Variants in CARMIL1 observed in about 807,000 individuals in gnomAD.
The protein encoded by CARMIL1 is F-actin-uncapping protein LRRC16A.
In CARMIL1, 90 loss-of-function variants were observed where a neutral mutation model predicts 177.1. The observed-to-expected ratio is 0.51, with a 90% CI of 0.43 to 0.61. CARMIL1 has a LOEUF of 0.61. CARMIL1 is among the 20% of genes least tolerant of loss of function. CARMIL1 has a pLI of 0.00. For synonymous variants in CARMIL1, 577 were observed against 606.2 expected (o/e 0.95, Z 0.71); for missense variants, 1,380 against 1,667.0 (o/e 0.83, Z 3.00).
chr6:25,465,055 C>T (rs1239806527), intron 8 of CARMIL1, among the ~76,000 whole-genome samples: 1 of 124,968 alleles, frequency 8.0e-6, no homozygotes, highest in East Asian at 2.4e-4. Context: ...GATGCAGTCA[C>T]TGCTAAGAAC....
intron 29 of CARMIL1, among the ~76,000 whole-genome samples, chr6:25,580,661 GAATTA>G (rs2151250045): frequency 6.6e-6 from 1 of 152,218 alleles, no homozygotes; most frequent in African/African-American, 2.4e-5. Flanking sequence ...ACACAGCTTG[GAATTA>G]AATTCATTCA....
intron 33 of CARMIL1, among the ~76,000 whole-genome samples, chr6:25,602,914 G>A (rs1034577314): frequency 1.3e-5 from 2 of 152,216 alleles, no homozygotes; most frequent in African/African-American, 4.8e-5. Flanking sequence ...ACAAAAGAGA[G>A]AAATAAGCAG....
At chr6:25,508,319 AGT>A (rs1805121733) in intron 17 of CARMIL1, among the ~76,000 whole-genome samples, 2 of 152,164 alleles carry the variant, frequency 1.3e-5, no homozygotes, top group South Asian at 4.1e-4. Flanking sequence ...GTTTCCCTGA[AGT>A]ATGTAGACCA....
chr6:25,403,595 A>G (rs1025993484), intron 2 of CARMIL1, among the ~76,000 whole-genome samples: 1 of 152,060 alleles, frequency 6.6e-6, no homozygotes, highest in East Asian at 1.9e-4. Flanking sequence ...CTGCAGGCAT[A>G]TTCTTGCCTC....
At chr6:25,340,954 A>G (rs1786860596) in intron 2 of CARMIL1, among the ~76,000 whole-genome samples, 1 of 152,072 alleles carries the variant, frequency 6.6e-6, no homozygotes, top group Admixed American at 6.6e-5. Flanking sequence ...GAGTGTCACA[A>G]TGTGGCAGTT....
intron 16 of CARMIL1, among the ~76,000 whole-genome samples, chr6:25,499,279 T>TA (rs1261905201): frequency 6.6e-6 from 1 of 152,226 alleles, no homozygotes; most frequent in Non-Finnish European, 1.5e-5. Flanking sequence ...TTCTAGTACT[T>TA]ACCACTGGCA....
At chr6:25,298,340 C>T (rs1261634734) in intron 2 of CARMIL1, among the ~76,000 whole-genome samples, 1 of 152,154 alleles carries the variant, frequency 6.6e-6, no homozygotes, top group Non-Finnish European at 1.5e-5. Flanking sequence ...GTACAAGGTA[C>T]ATGTTGTTAT....
chr6:25,307,460 T>A (rs1783368045), intron 2 of CARMIL1, among the ~76,000 whole-genome samples: 1 of 152,216 alleles, frequency 6.6e-6, no homozygotes, highest in African/African-American at 2.4e-5. Flanking sequence ...CAATAAATGT[T>A]TGTTGATAAA....
chr6:25,471,802 G>A (rs1801125029), intron 10 of CARMIL1, among the ~76,000 whole-genome samples: 1 of 151,978 alleles, frequency 6.6e-6, no homozygotes, highest in African/African-American at 2.4e-5. Flanking sequence ...GTTAACACTT[G>A]CATAGTCTTT....
intron 2 of CARMIL1, among the ~76,000 whole-genome samples, chr6:25,392,056 G>A (rs1414190673): frequency 7.3e-4 from 1 of 1,364 alleles, no homozygotes; most frequent in South Asian, 0.018. Context: ...GTATATGCAT[G>A]TGTGTGTGTG....
At chr6:25,440,642 C>T (rs1797659357) in intron 5 of CARMIL1, among the ~76,000 whole-genome samples, 1 of 152,112 alleles carries the variant, frequency 6.6e-6, no homozygotes, top group Admixed American at 6.5e-5. Context: ...CTCCTACATT[C>T]CCAGTATGCC....
chr6:25,430,646 G>A (rs544975621), intron 4 of CARMIL1, among the ~76,000 whole-genome samples: 3 of 151,896 alleles, frequency 2.0e-5, no homozygotes, highest in Non-Finnish European at 2.9e-5. Context: ...GCCCAGGCTC[G>A]ACTCGAACTT....
intron 9 of CARMIL1, among the ~76,000 whole-genome samples, chr6:25,469,998 T>G (rs1042283676): frequency 1.3e-5 from 2 of 152,250 alleles, no homozygotes; most frequent in African/African-American, 4.8e-5. Flanking sequence ...CATTTTTCAC[T>G]GTCCCCTGAA....
intron 26 of CARMIL1, among the ~76,000 whole-genome samples, chr6:25,543,801 G>A (rs531621879): frequency 1.3e-5 from 2 of 152,190 alleles, no homozygotes; most frequent in African/African-American, 4.8e-5. Flanking sequence ...AAGATTTCAG[G>A]GCATTTTAGT....
intron 1 of CARMIL1, among the ~76,000 whole-genome samples, chr6:25,280,449 A>G (rs2744269): frequency 0.76 from 115,767 of 152,020 alleles, 44,209 homozygotes; most frequent in South Asian, 0.89. Context: ...ACGCAGACTC[A>G]GGCCAGGAAA....
At chr6:25,570,295 C>T (rs1314505190) in intron 29 of CARMIL1, among the ~76,000 whole-genome samples, 1 of 152,208 alleles carries the variant, frequency 6.6e-6, no homozygotes, top group Non-Finnish European at 1.5e-5. Flanking sequence ...TATAATGCTA[C>T]AGGGATATAT....
intron 2 of CARMIL1, among the ~76,000 whole-genome samples, chr6:25,382,497 A>T (rs1791649679): frequency 6.6e-6 from 1 of 152,154 alleles, no homozygotes; most frequent in African/African-American, 2.4e-5. Flanking sequence ...CAAAGCTTCC[A>T]CAGTGTGGAA....
chr6:25,582,845 C>A (rs1813255333), intron 31 of CARMIL1, among the ~76,000 whole-genome samples: 1 of 152,224 alleles, frequency 6.6e-6, no homozygotes, highest in South Asian at 2.1e-4. Flanking sequence ...TTAGGACTTA[C>A]CTTTGTGTTA....
chr6:25,334,710 T>G (rs944312850), intron 2 of CARMIL1, among the ~76,000 whole-genome samples: 2 of 152,218 alleles, frequency 1.3e-5, no homozygotes, highest in Non-Finnish European at 2.9e-5. Flanking sequence ...TTTAAAAAAG[T>G]CTTAGTTCTG....
Sources: gnomAD v4.1 joint callset for allele counts (sites outside exome capture counted in the v4.1 genomes callset) on GRCh38, gnomAD v4.1.1 for gene constraint, MANE v1.5 for transcripts, NCBI Gene and HGNC (gene_info 2026-07-23, HGNC 2026-07-21) for gene names.